The following COL4A3 variants were observed in gnomAD, a reference collection of about 807,000 sequenced individuals.
COL4A3 encodes collagen alpha-3(IV) chain.
Under a neutral mutation model 217.4 loss-of-function variants are expected in COL4A3, and 135 were observed. The ratio of observed to expected loss-of-function variants is 0.62; its 90% confidence interval spans 0.54 to 0.72. COL4A3 has a LOEUF of 0.72. Among genes scored for constraint, COL4A3 ranks in the 30% least tolerant of loss-of-function variants. COL4A3 has a pLI of 0.00. For synonymous variants in COL4A3, 690 were observed against 736.3 expected (o/e 0.94, Z 1.02); for missense variants, 1,868 against 2,119.9 (o/e 0.88, Z 2.33).
chr2:227,170,630 C>T (rs963194751), intron 1 of COL4A3, among the ~76,000 whole-genome samples: 2 of 151,992 alleles, frequency 1.3e-5, no homozygotes, highest in Admixed American at 6.6e-5. Context: ...ATGGGAGCTA[C>T]AATTCAAGAT....
rs748790855 is a variant in COL4A3 at position 227,253,473 on chromosome 2, A to C, written c.688-88A>C. ...TTCTATCTTCCCGTATAAGCACTAA[A>C]GGGGAAAAGTAGACCTTTCAAACGT... is the stretch of plus-strand genomic sequence containing the variant. On this transcript the variant is annotated intron_variant, in intron 12 of 51. Coordinates refer to ENST00000396578, the MANE Select transcript of COL4A3 (RefSeq NM_000091.5). This position sits in a 1 kb window ranked among gnomAD's most constrained non-coding sequence, Gnocchi z 4.4. 2 of 1,419,600 alleles carry C rather than the reference A, an allele frequency of 1.4e-6. No individual in the cohort carries two copies. Among genetic ancestry groups the C allele is most frequent in the East Asian group, 4.6e-5 (2 of 43,950 alleles). 87.9% of individuals were successfully genotyped at this position (1,419,600 alleles called of 1,614,324 possible). A position where few individuals can be genotyped will look rare whatever the true frequency, so the allele number is the denominator to read the frequency against.
chr2:227,253,985 T>A lies in COL4A3; in HGVS notation c.766-127T>A. 1 of 893,894 alleles carries A rather than the reference T, an allele frequency of 1.1e-6. No individual in the cohort carries two copies. Among genetic ancestry groups the A allele is most frequent in the Non-Finnish European group, 1.9e-6 (1 of 537,152 alleles). The allele number at this position is 893,894 out of a possible 1,614,324, so 55.4% of individuals were successfully genotyped here. ...GAAATGGAAGGTGTATTGGGTTGTGTTAACACGAGGCACATTCATAGTTTG... is the reference window on the plus strand; with the variant it reads ...GAAATGGAAGGTGTATTGGGTTGTGATAACACGAGGCACATTCATAGTTTG... On this transcript the variant is annotated intron_variant, in intron 13 of 51. Coordinates refer to ENST00000396578, the MANE Select transcript of COL4A3 (RefSeq NM_000091.5). This position sits in a 1 kb window ranked among gnomAD's most constrained non-coding sequence, Gnocchi z 4.4.
At chr2:227,195,978 T>C (rs1189514272) in intron 1 of COL4A3, among the ~76,000 whole-genome samples, 1 of 151,880 alleles carries the variant, frequency 6.6e-6, no homozygotes, top group South Asian at 2.1e-4. Context: ...GCTTATAGAA[T>C]AAGGATAAAG....
intron 24 of COL4A3, 92 bp downstream of exon 24, chr2:227,270,072 T>C: frequency 9.8e-7 from 1 of 1,017,470 alleles, no homozygotes; most frequent in Non-Finnish European, 1.5e-6. Context: ...GTTTGGTGCC[T>C]TGCAAACAGT....
intron 1 of COL4A3, among the ~76,000 whole-genome samples, chr2:227,201,095 T>A (rs572268875): frequency 9.5e-5 from 14 of 147,752 alleles, no homozygotes; most frequent in Non-Finnish European, 2.0e-4. Context: ...CAAATACATT[T>A]ATTCTTATTA....
At chr2:227,296,146 T>C (rs1408797883) in intron 41 of COL4A3, among the ~76,000 whole-genome samples, 1 of 152,164 alleles carries the variant, frequency 6.6e-6, no homozygotes, top group African/African-American at 2.4e-5. Flanking sequence ...ACAGTTAAAG[T>C]GTAAAAGTAG....
At chr2:227,261,953 T>A (rs2070600632) in intron 20 of COL4A3, among the ~76,000 whole-genome samples, 1 of 152,168 alleles carries the variant, frequency 6.6e-6, no homozygotes, top group East Asian at 1.9e-4. Flanking sequence ...GTGTTCTTTT[T>A]AACGAAAACA....
At position 227,283,866 on chromosome 2, in the gene COL4A3, A is replaced by G. The variant is rs2106172178; in HGVS notation, c.2746+10A>G. On this transcript the variant is annotated intron_variant, in intron 33 of 51. Transcript: ENST00000396578. ...ACACCAGGGCAGAGGGGTAAGTGAT[A>G]GAGTGTCTTTCTAAATAGCAGGAAG... 1 of 1,602,526 alleles carries G rather than the reference A, an allele frequency of 6.2e-7. No homozygotes were observed.
In COL4A3 at chr2:227,283,796, T is replaced by A. The variant is rs747329097; in HGVS notation, c.2686T>A (p.Phe896Ile). The A allele has an allele frequency of 6.2e-7, 1 of 1,614,220 alleles. No individual in the cohort carries two copies. Among genetic ancestry groups the A allele is most frequent in the South Asian group, 1.1e-5 (1 of 91,088 alleles). Residue 896 changes from phenylalanine to isoleucine, a missense_variant, in exon 33 of 52, where the codon TTT becomes ATT. This residue lies in a region of COL4A3 where 1,503 missense variants were observed against 1,786.1 expected (regional missense o/e 0.84). Coordinates refer to ENST00000396578, the MANE Select transcript of COL4A3 (RefSeq NM_000091.5). ...AGATGGAGTGATTGGGATGATGGGC[T>A]TTCCTGGAGCCATTGGCCCTCCAGG... Reference protein sequence around the residue: ...GEDGVIGMMGFPGAIGPPGPP... With the variant: ...GEDGVIGMMGIPGAIGPPGPP...
Position 227,246,013 on chromosome 2 carries a change from T to A in COL4A3, c.384T>A (p.Ser128=). ...TCGGTGTACCAGGATGCAGTGGTTCTAAGGTAAGTACTTTTCACACAGAAG... is the reference window on the plus strand; with the variant it reads ...TCGGTGTACCAGGATGCAGTGGTTCAAAGGTAAGTACTTTTCACACAGAAG... ...GLVGVPGCSG[S]KGEQGFPGLP... The change falls in exon 6 of 52, where the codon TCT becomes TCA. Residue 128 remains serine (S), a synonymous_variant. Coordinates refer to ENST00000396578, the MANE Select transcript of COL4A3 (RefSeq NM_000091.5). 1 of 1,610,866 alleles carries A rather than the reference T, an allele frequency of 6.2e-7. No homozygotes were observed. Among genetic ancestry groups the A allele is most frequent in the South Asian group, 1.1e-5 (1 of 91,014 alleles).
intron 32 of COL4A3, among the ~76,000 whole-genome samples, chr2:227,283,401 G>A (rs866992032): frequency 7.2e-5 from 11 of 152,170 alleles, no homozygotes; most frequent in African/African-American, 2.7e-4. Context: ...CATAGTAGAG[G>A]ATCAATAATA....
intron 1 of COL4A3, among the ~76,000 whole-genome samples, chr2:227,168,635 C>G (rs2125630182): frequency 6.6e-6 from 1 of 152,158 alleles, no homozygotes; most frequent in East Asian, 1.9e-4. Flanking sequence ...TCACTATAAT[C>G]TCAAACTGAT....
intron 1 of COL4A3, among the ~76,000 whole-genome samples, chr2:227,197,871 G>T (rs531235621): frequency 2.0e-5 from 3 of 152,342 alleles, no homozygotes; most frequent in East Asian, 3.9e-4. Context: ...TGGCAGAGAG[G>T]AGAAGTAATG....
chr2:227,199,619 G>T (rs1435350218), intron 1 of COL4A3, among the ~76,000 whole-genome samples: 2 of 152,142 alleles, frequency 1.3e-5, no homozygotes, highest in African/African-American at 2.4e-5. Context: ...TTACTTTAGT[G>T]TTTCTGCATT....
At chr2:227,213,920 GA>G (rs1559832811) in intron 1 of COL4A3, among the ~76,000 whole-genome samples, 1 of 105,488 alleles carries the variant, frequency 9.5e-6, no homozygotes, top group African/African-American at 4.4e-5. Flanking sequence ...AAAAAAAAAA[GA>G]AAAAGAAAAA....
chr2:227,246,135 C>A, intron 6 of COL4A3, 119 bp downstream of exon 6: 1 of 794,536 alleles, frequency 1.3e-6, no homozygotes, highest in Non-Finnish European at 2.2e-6. Flanking sequence ...AGGCCAGAAC[C>A]AACAGCATAA....
chr2:227,251,967 G>A (rs918391283), intron 11 of COL4A3, among the ~76,000 whole-genome samples: 4 of 150,442 alleles, frequency 2.7e-5, no homozygotes, highest in African/African-American at 9.8e-5. Flanking sequence ...TACTCAGGGG[G>A]CTGAGGCAGG....
At chr2:227,279,739 GA>G in intron 28 of COL4A3, 53 bp from the exon 29 acceptor site, 1 of 1,275,812 alleles carries the variant, frequency 7.8e-7, no homozygotes, top group South Asian at 1.3e-5. Context: ...TTACTGCTCA[GA>G]ATATTTCAAT....
chr2:227,248,651 A>T, intron 9 of COL4A3, 131 bp downstream of exon 9: 1 of 654,806 alleles, frequency 1.5e-6, no homozygotes, highest in Non-Finnish European at 2.7e-6. Context: ...TTTTAAATAG[A>T]AATTCCTATT....
Sources: gnomAD v4.1 joint callset for allele counts (sites outside exome capture counted in the v4.1 genomes callset) on GRCh38, gnomAD v4.1.1 for gene constraint, gnomAD v4.1.1 regional missense constraint, Gnocchi (gnomAD v3.1) non-coding constraint, MANE v1.5 for transcripts, NCBI Gene and HGNC (gene_info 2026-07-23, HGNC 2026-07-21) for gene names.